The following CCDC18 variants were observed in gnomAD, a reference collection of about 807,000 sequenced individuals.
CCDC18 encodes coiled-coil domain containing 18, also known as coiled-coil domain-containing protein 18.
CCDC18 carries 157 observed loss-of-function variants against 196.0 expected under a neutral mutation model. The ratio of observed to expected loss-of-function variants is 0.80; its 90% confidence interval spans 0.70 to 0.91. CCDC18 has a LOEUF of 0.91. Among genes scored for constraint, CCDC18 ranks in the 40% least tolerant of loss-of-function variants. The pLI is 0.00. For synonymous variants in CCDC18, 482 were observed against 529.2 expected (o/e 0.91, Z 1.22); for missense variants, 1,465 against 1,611.6 (o/e 0.91, Z 1.56).
chr1:93,228,416 G>A (rs1016748348), intron 17 of CCDC18, among the ~76,000 whole-genome samples: 1 of 151,924 alleles, frequency 6.6e-6, no homozygotes, highest in Non-Finnish European at 1.5e-5. Context: ...GCAGAACAGG[G>A]GAAAGCCATA....
upstream of CCDC18, chr1:93,180,589 G>A (rs759254531): frequency 2.2e-6 from 3 of 1,385,580 alleles, no homozygotes; most frequent in South Asian, 1.2e-5. Flanking sequence ...AGTCCCGGGC[G>A]GGCTCCGCTA....
chr1:93,206,636 A>G (rs1241066833), intron 8 of CCDC18, among the ~76,000 whole-genome samples: 1 of 152,152 alleles, frequency 6.6e-6, no homozygotes, highest in Admixed American at 6.5e-5. Flanking sequence ...TCTTAAAAGA[A>G]TCCTTGTAAG....
chr1:93,189,224 A>G (rs1651291786), intron 4 of CCDC18, among the ~76,000 whole-genome samples: 1 of 152,118 alleles, frequency 6.6e-6, no homozygotes, highest in African/African-American at 2.4e-5. Flanking sequence ...AGAACATGTG[A>G]TATTTGTCTT....
At chr1:93,258,153 A>G (rs1323893801) in intron 25 of CCDC18, among the ~76,000 whole-genome samples, 2 of 151,694 alleles carry the variant, frequency 1.3e-5, no homozygotes, top group East Asian at 1.9e-4. Flanking sequence ...GAACCATGTT[A>G]TATTTTTATG....
chr1:93,258,875 A>C lies in CCDC18; in HGVS notation c.3674A>C (p.Tyr1225Ser). ...SAEVESLKEAYHMEMISHQEN... is the reference protein window; with the variant it reads ...SAEVESLKEASHMEMISHQEN... ...GAAGTAGAATCTCTCAAAGAAGCTT[A>C]TCATATGGAGGTAAAGAAAAATTTA... is the stretch of plus-strand genomic sequence containing the variant. Residue 1225 changes from tyrosine to serine, a missense_variant, in exon 26 of 29, where the codon TAT becomes TCT. By Grantham distance (144) the Tyr-to-Ser change is moderately radical. Transcript: ENST00000690025. 6.3e-7 allele frequency: 1 copy of C among 1,592,072 alleles called. No homozygotes were observed.
chr1:93,181,805 C>T (rs948072092), intron 1 of CCDC18, among the ~76,000 whole-genome samples: 2 of 152,058 alleles, frequency 1.3e-5, no homozygotes, highest in African/African-American at 4.8e-5. Context: ...TTAGTAGATA[C>T]GGGGTTTCAC....
At chr1:93,266,985 CA>C (rs1454779415) in intron 27 of CCDC18, among the ~76,000 whole-genome samples, 1 of 151,994 alleles carries the variant, frequency 6.6e-6, no homozygotes, top group Non-Finnish European at 1.5e-5. Flanking sequence ...GGCAGAGACG[CA>C]ACAAAAAAAG....
At chr1:93,261,406 T>C (rs1051446049) in intron 26 of CCDC18, among the ~76,000 whole-genome samples, 77 of 152,304 alleles carry the variant, frequency 5.1e-4, no homozygotes, top group African/African-American at 9.6e-5. Flanking sequence ...CATAAATACA[T>C]TGACCATTTT....
Position 93,227,604 on chromosome 1 carries a change from A to C in CCDC18, c.2292+1155A>C, listed in dbSNP as rs554311912. On this transcript the variant is annotated intron_variant, in intron 17 of 28. Transcript: ENST00000690025. Reference sequence around the variant, plus strand: ...ATGTATTTGTTAGAATTTATAATGTATATATTTTAAGGTTAAAATTTATTT... The same window carrying C: ...ATGTATTTGTTAGAATTTATAATGTCTATATTTTAAGGTTAAAATTTATTT... Among the ~76,000 whole-genome samples, 7 of 152,216 alleles carry C rather than the reference A, an allele frequency of 4.6e-5. No homozygotes were observed. In the East Asian group the frequency reaches 1.3e-3, roughly 29 times the overall value.
intron 23 of CCDC18, among the ~76,000 whole-genome samples, chr1:93,251,865 AC>A (rs1026734844): frequency 6.6e-6 from 1 of 151,940 alleles, no homozygotes; most frequent in African/African-American, 2.4e-5. Context: ...AAAGCTTTCT[AC>A]CCCTTTGTCT....
intron 7 of CCDC18, among the ~76,000 whole-genome samples, 167 bp from the exon 8 acceptor site, chr1:93,205,343 C>T (rs1036362942): frequency 3.3e-5 from 5 of 152,098 alleles, no homozygotes; most frequent in African/African-American, 1.2e-4. Flanking sequence ...TTTGCTACTG[C>T]CCAGGAACTT....
chr1:93,249,433 GT>G (rs1661946743), intron 23 of CCDC18, among the ~76,000 whole-genome samples: 1 of 151,830 alleles, frequency 6.6e-6, no homozygotes, highest in African/African-American at 2.4e-5. Context: ...CCTCTGTATT[GT>G]TTTATAGTCT....
chr1:93,248,368 T>C (rs897374729), intron 23 of CCDC18, among the ~76,000 whole-genome samples: 1 of 152,162 alleles, frequency 6.6e-6, no homozygotes, highest in East Asian at 1.9e-4. Context: ...GTGAAGATGT[T>C]GAATTTTATC....
rs1296864353 is a variant in CCDC18 at position 93,239,914 on chromosome 1, A to T, written c.2981+18A>T. On this transcript the variant is annotated intron_variant, in intron 21 of 28. Transcript: ENST00000690025. ...GAACTTAGGTGAGTTAAATAATAAG[A>T]AATTATATCACAGTTATAAGTCCTT... 7.0e-7 allele frequency: 1 copy of T among 1,427,040 alleles called. No homozygotes were observed. Among genetic ancestry groups the T allele is most frequent in the East Asian group, 2.3e-5 (1 of 43,812 alleles). 88.4% of individuals were successfully genotyped at this position (1,427,040 alleles called of 1,614,324 possible). A position where few individuals can be genotyped will look rare whatever the true frequency, so the allele number is the denominator to read the frequency against.
intron 17 of CCDC18, among the ~76,000 whole-genome samples, chr1:93,231,280 T>A (rs899194709): frequency 6.6e-6 from 1 of 152,194 alleles, no homozygotes; most frequent in African/African-American, 2.4e-5. Flanking sequence ...ACTTAAAAAA[T>A]TTATTATATA....
At chr1:93,214,703 G>C in intron 11 of CCDC18, 40 bp from the exon 12 acceptor site, 2 of 1,398,934 alleles carry the variant, frequency 1.4e-6, no homozygotes, top group Non-Finnish European at 2.0e-6. Flanking sequence ...TTTTATTCTT[G>C]AAGTCCTATT....
At chr1:93,193,477 CT>C in intron 5 of CCDC18, 138 bp from the exon 6 acceptor site, 2 of 516,392 alleles carry the variant, frequency 3.9e-6, no homozygotes, top group East Asian at 3.7e-5. Context: ...ATGAATATGC[CT>C]TTTTCTCTAT....
At chr1:93,202,101 T>C in intron 7 of CCDC18, 113 bp downstream of exon 7, 1 of 535,036 alleles carries the variant, frequency 1.9e-6, no homozygotes, top group Non-Finnish European at 3.2e-6. Context: ...ATTTTTATGA[T>C]CTTACAAAAT....
intron 27 of CCDC18, among the ~76,000 whole-genome samples, chr1:93,266,316 C>T (rs2101398273): frequency 6.6e-6 from 1 of 152,284 alleles, no homozygotes; most frequent in South Asian, 2.1e-4. Context: ...AAATTTATAG[C>T]ACTAAATGCC....
Sources: allele counts gnomAD v4.1 joint callset (sites outside exome capture counted in the v4.1 genomes callset), GRCh38; gene constraint gnomAD v4.1.1; transcripts MANE v1.5; gene names NCBI Gene and HGNC (gene_info 2026-07-23, HGNC 2026-07-21).